DCN: variants seen among roughly 807,000 people sequenced by gnomAD.
The protein encoded by DCN is decorin.
In DCN, 17 loss-of-function variants were observed where a neutral mutation model predicts 36.5. The observed-to-expected ratio is 0.47, with a 90% confidence interval of 0.32 to 0.70. The LOEUF (loss-of-function observed/expected upper bound fraction) is 0.70. Among genes scored for constraint, DCN ranks in the 30% least tolerant of loss-of-function variants. The pLI is 0.04. For synonymous variants in DCN, 163 were observed against 161.4 expected (o/e 1.01, Z -0.07); for missense variants, 389 against 430.1 (o/e 0.90, Z 0.84).
intron 3 of DCN, among the ~76,000 whole-genome samples, chr12:91,164,400 C>CAAA (rs5799980): frequency 2.5e-5 from 2 of 78,916 alleles, no homozygotes; most frequent in South Asian, 4.2e-4. Context: ...AAGCATAATT[C>CAAA]AAAAAAAAAA....
intron 2 of DCN, among the ~76,000 whole-genome samples, chr12:91,174,215 AT>A (rs1170263190): frequency 6.6e-6 from 1 of 151,724 alleles, no homozygotes; most frequent in African/African-American, 2.4e-5. Flanking sequence ...TAAATGCACA[AT>A]TTTTTTTGTT....
intron 5 of DCN, among the ~76,000 whole-genome samples, chr12:91,156,597 T>TTAATA (rs1230214141): frequency 4.7e-5 from 7 of 150,330 alleles, no homozygotes; most frequent in Non-Finnish European, 1.0e-4. Flanking sequence ...CATTCAGATA[T>TTAATA]TAATAACTGG....
intron 5 of DCN, among the ~76,000 whole-genome samples, chr12:91,155,034 G>A (rs1234552472): frequency 6.6e-6 from 1 of 152,078 alleles, no homozygotes; most frequent in Non-Finnish European, 1.5e-5. Flanking sequence ...ATATCACCAG[G>A]AGGTTGCTGA....
chr12:91,158,506 A>G lies in DCN; in HGVS notation c.328T>C (p.Leu110=). The part of the protein sequence containing the change: ...DFKNLKNLHA[L]ILVNNKISKV... Reference sequence around the variant, plus strand: ...CTAATTTTATTGTTGACAAGAATCAATGCCTGTAGATAGTGAAGAAAAACA... The same window carrying G: ...CTAATTTTATTGTTGACAAGAATCAGTGCCTGTAGATAGTGAAGAAAAACA... The change falls in exon 4 of 8, where the codon TTG becomes CTG. Residue 110 remains leucine, a synonymous_variant. Coordinates refer to ENST00000052754, the MANE Select transcript of DCN (RefSeq NM_001920.5). 1.3e-6 allele frequency: 2 copies of G among 1,497,902 alleles called. No homozygotes were observed. The highest frequency in any genetic ancestry group is 1.9e-6 in the Non-Finnish European group (2 of 1,074,062). The allele number at this position is 1,497,902 out of a possible 1,614,324, so 92.8% of individuals were successfully genotyped here.
At chr12:91,182,257 AT>A (rs1437903550) in intron 1 of DCN, among the ~76,000 whole-genome samples, 1 of 152,090 alleles carries the variant, frequency 6.6e-6, no homozygotes, top group Non-Finnish European at 1.5e-5. Flanking sequence ...GCAATCAAAA[AT>A]TCAGGAGAAA....
At chr12:91,152,744 G>A (rs1881513748) in intron 6 of DCN, among the ~76,000 whole-genome samples, 1 of 152,056 alleles carries the variant, frequency 6.6e-6, no homozygotes, top group Admixed American at 6.6e-5. Flanking sequence ...TCAAATTCTA[G>A]CAACTGTGTT....
chr12:91,178,478 A>G lies in DCN; in HGVS notation c.75T>C (p.Phe25=), dbSNP rs769143874. ...AAGCCTCATCTTCTAGCATAAAGTC[A>G]AATAAGCCTCTCTGTTGAAACGGTC... ...WAGPFQQRGL[F]DFMLEDEASG... is the part of the protein sequence containing the mutation. Residue 25 remains phenylalanine (F), a synonymous_variant, in exon 2 of 8, where the codon TTT becomes TTC. Coordinates refer to ENST00000052754, the MANE Select transcript of DCN (RefSeq NM_001920.5). 9 of 1,613,822 alleles carry G rather than the reference A, an allele frequency of 5.6e-6. No homozygotes were observed. The Admixed American group carries it at 1.5e-4, about 27-fold the overall frequency.
chr12:91,164,822 A>G, intron 2 of DCN, 105 bp from the exon 3 acceptor site: 2 of 696,944 alleles, frequency 2.9e-6, no homozygotes, highest in East Asian at 5.3e-5. Flanking sequence ...TGATCATCTT[A>G]ACAGTAACAA....
At position 91,145,751 on chromosome 12, in the gene DCN, A is replaced by G. The variant is rs1314085388; in HGVS notation, c.*307T>C. The G allele has an allele frequency of 2.3e-6, 1 of 427,082 alleles. No homozygotes were observed. Among genetic ancestry groups the G allele is most frequent in the Non-Finnish European group, 4.4e-6 (1 of 226,598 alleles). The allele number at this position is 427,082 out of a possible 1,614,324, so 26.5% of individuals were successfully genotyped here. A position where few individuals can be genotyped will look rare whatever the true frequency, so the allele number is the denominator to read the frequency against. On this transcript the variant is annotated 3_prime_UTR_variant, in exon 8 of 8. Coordinates refer to ENST00000052754, the MANE Select transcript of DCN (RefSeq NM_001920.5). ...TATTTTTTCCTGGAAATTAAAAAAG[A>G]AAAGCTTTACTAAATATTGACATAT...
At chr12:91,160,544 A>G (rs759654519) in intron 3 of DCN, among the ~76,000 whole-genome samples, 6 of 152,028 alleles carry the variant, frequency 3.9e-5, no homozygotes, top group Non-Finnish European at 8.8e-5. Context: ...TTAGAATCTC[A>G]AGCTCTGGGT....
chr12:91,144,117 G>C lies in DCN; in HGVS notation c.*1941C>G, dbSNP rs1880872823. ...TATCTGCAGGCTTTTCCCCATAAGA[G>C]AAAGGCTGCAGCATAAAGGGTATAT... On this transcript the variant is annotated 3_prime_UTR_variant, in exon 8 of 8. Coordinates refer to ENST00000052754, the MANE Select transcript of DCN (RefSeq NM_001920.5). The C allele has an allele frequency of 6.6e-6, 1 of 152,080 alleles. No individual in the cohort carries two copies. The highest frequency in any genetic ancestry group is 2.4e-5 in the African/African-American group (1 of 41,400). 9.4% of individuals were successfully genotyped at this position (152,080 alleles called of 1,614,324 possible).
intron 2 of DCN, 21 bp from the exon 3 acceptor site, chr12:91,164,738 G>T: frequency 8.0e-7 from 1 of 1,248,924 alleles, no homozygotes; most frequent in Non-Finnish European, 1.2e-6. Context: ...AGTAATAGGA[G>T]TGTGCTGTGA....
intron 7 of DCN, among the ~76,000 whole-genome samples, chr12:91,148,834 A>T (rs1295962318): frequency 6.6e-6 from 1 of 152,084 alleles, no homozygotes; most frequent in Non-Finnish European, 1.5e-5. Flanking sequence ...TGAAAAGCGA[A>T]TTAGTAGATG....
In DCN at chr12:91,151,683, C is replaced by T; in HGVS notation, c.856G>A (p.Gly286Ser). Residue 286 changes from glycine (G) to serine (S), a missense_variant, in exon 7 of 8, where the codon GGT becomes AGT. Transcript: ENST00000052754. ...ATGTACTTATGCTCTGCCAGCCCAC[C>T]AGGTACTCTGGTAAGCTTGTTGTTG... ...LDNNKLTRVP[G>S]GLAEHKYIQV... 6.2e-7 allele frequency: 1 copy of T among 1,614,052 alleles called. No homozygotes were observed. The highest frequency in any genetic ancestry group is 8.5e-7 in the Non-Finnish European group (1 of 1,179,968).
intron 7 of DCN, among the ~76,000 whole-genome samples, chr12:91,149,850 C>T (rs775748258): frequency 1.3e-5 from 2 of 151,770 alleles, no homozygotes; most frequent in Non-Finnish European, 2.9e-5. Flanking sequence ...GAATGAAAAA[C>T]AATGAATGTA....
chr12:91,154,304 C>T (rs1346908546), intron 5 of DCN, among the ~76,000 whole-genome samples: 2 of 152,084 alleles, frequency 1.3e-5, no homozygotes, highest in Non-Finnish European at 2.9e-5. Context: ...TGTTACGCAC[C>T]GAACATTGAC....
intron 2 of DCN, chr12:91,177,013 A>G (rs1178079178): frequency 6.5e-6 from 1 of 152,752 alleles, no homozygotes; most frequent in Non-Finnish European, 1.5e-5. Flanking sequence ...AGTCACCACC[A>G]CTAGAACATA....
chr12:91,148,582 G>T (rs1412208778), intron 7 of DCN, among the ~76,000 whole-genome samples: 1 of 151,550 alleles, frequency 6.6e-6, no homozygotes, highest in African/African-American at 2.4e-5. Flanking sequence ...ATGGCATGGC[G>T]GCACGTGCCT....
chr12:91,169,378 C>CTAAAAAAAAAAAAAAAAA (rs71097880), intron 2 of DCN, among the ~76,000 whole-genome samples: 3 of 73,378 alleles, frequency 4.1e-5, no homozygotes, highest in African/African-American at 5.5e-5. Flanking sequence ...GAGATCCTGT[C>CTAAAAAAAAAAAAAAAAA]AAAAAAAAAA....
Sources: gnomAD v4.1 joint callset for allele counts (sites outside exome capture counted in the v4.1 genomes callset) on GRCh38, gnomAD v4.1.1 for gene constraint, MANE v1.5 for transcripts, NCBI Gene and HGNC (gene_info 2026-07-23, HGNC 2026-07-21) for gene names.